The following GNG2 variants were observed in gnomAD, a reference collection of about 807,000 sequenced individuals.
GNG2 encodes the protein guanine nucleotide-binding protein G(I)/G(S)/G(O) subunit gamma-2.
Under a neutral mutation model 5.5 loss-of-function variants are expected in GNG2, and 5 were observed. The ratio of observed to expected loss-of-function variants is 0.91; its 90% confidence interval spans 0.48 to 1.92. The LOEUF is 1.92. Among genes scored for constraint, GNG2 ranks in the 30% most tolerant of loss-of-function variants. The pLI is 0.01. For synonymous variants in GNG2, 28 were observed against 32.0 expected, an observed-to-expected ratio of 0.88 and a Z score of 0.42; for missense variants, 55 against 88.4, an observed-to-expected ratio of 0.62 and a Z score of 1.52.
chr14:51,861,144 T>C (rs1296007441), intron 1 of GNG2, among the ~76,000 whole-genome samples: 1 of 151,772 alleles, frequency 6.6e-6, no homozygotes, highest in African/African-American at 2.4e-5. Flanking sequence ...TTTAGGGGAG[T>C]GAGTGGTGTA....
chr14:51,836,583 C>G (rs200129759), intron 2 of GNG2, among the ~76,000 whole-genome samples: 2 of 152,038 alleles, frequency 1.3e-5, no homozygotes, highest in East Asian at 3.9e-4. Context: ...TCTCCCCTCA[C>G]CACAACTCCA....
chr14:51,917,484 A>T (rs1399664224), intron 2 of GNG2: 3 of 445,900 alleles, frequency 6.7e-6, no homozygotes, highest in Admixed American at 2.5e-5. Context: ...AGCCTAGTGC[A>T]GAGTTTATTA....
chr14:51,921,358 A>G (rs1887004942), intron 2 of GNG2, among the ~76,000 whole-genome samples: 1 of 152,202 alleles, frequency 6.6e-6, no homozygotes, highest in Non-Finnish European at 1.5e-5. Flanking sequence ...TATTCCCTGA[A>G]AGAAGGTCAC....
At chr14:51,891,894 G>T (rs1475721861) in intron 2 of GNG2, among the ~76,000 whole-genome samples, 1 of 152,144 alleles carries the variant, frequency 6.6e-6, no homozygotes, top group Admixed American at 6.6e-5. Flanking sequence ...TGTGCATTCT[G>T]TTCATGTCTC....
chr14:51,892,732 A>G lies in GNG2; in HGVS notation c.-30+15075A>G, dbSNP rs1884941747. Among the ~76,000 whole-genome samples the G allele has an allele frequency of 5.3e-5, 8 of 152,252 alleles. 1 individual carries two copies. The South Asian group carries it at 1.7e-3, about 32-fold the overall frequency. On this transcript the variant is annotated intron_variant, in intron 2 of 3. Transcript: ENST00000556766. ...GCCTCCCTCCTCCCCCATGTAACCA[A>G]TGTTAATGCTTTGGGGTGTATTATT... is the stretch of plus-strand genomic sequence containing the variant.
At chr14:51,833,008 C>T (rs1282590243) in intron 2 of GNG2, among the ~76,000 whole-genome samples, 1 of 152,128 alleles carries the variant, frequency 6.6e-6, no homozygotes, top group Non-Finnish European at 1.5e-5. Flanking sequence ...ATCTATTTTG[C>T]CTTTCAGAGA....
At chr14:51,892,309 A>T (rs938014290) in intron 2 of GNG2, among the ~76,000 whole-genome samples, 1 of 150,898 alleles carries the variant, frequency 6.6e-6, no homozygotes, top group African/African-American at 2.4e-5. Context: ...TCTTTTATTT[A>T]TTTTATTTTA....
chr14:51,963,287 A>G (rs1889717365), intron 3 of GNG2, among the ~76,000 whole-genome samples: 1 of 152,200 alleles, frequency 6.6e-6, no homozygotes, highest in African/African-American at 2.4e-5. Flanking sequence ...AAATTTTCCT[A>G]GTATAGTACT....
chr14:51,829,297 C>G (rs961368564), intron 2 of GNG2, among the ~76,000 whole-genome samples: 8 of 152,156 alleles, frequency 5.3e-5, no homozygotes, highest in African/African-American at 1.9e-4. Flanking sequence ...ATCTCCCCAA[C>G]TCCCAAAAGT....
intron 2 of GNG2, chr14:51,914,172 G>C: frequency 1.4e-6 from 1 of 701,370 alleles, no homozygotes. Context: ...ATTGGCTCTT[G>C]AGTATGTCTG....
intron 2 of GNG2, among the ~76,000 whole-genome samples, chr14:51,882,366 T>C (rs1237657324): frequency 1.3e-5 from 2 of 152,204 alleles, no homozygotes; most frequent in Non-Finnish European, 2.9e-5. Flanking sequence ...CTGGAAAAAG[T>C]GTGAATCCGT....
chr14:51,922,544 A>G (rs959260461), intron 2 of GNG2, among the ~76,000 whole-genome samples: 2 of 152,132 alleles, frequency 1.3e-5, no homozygotes, highest in African/African-American at 4.8e-5. Context: ...ACCAGAGGCT[A>G]TCCAACACTG....
At chr14:51,912,015 C>T (rs1159142759) in intron 2 of GNG2, among the ~76,000 whole-genome samples, 1 of 148,230 alleles carries the variant, frequency 6.7e-6, no homozygotes, top group African/African-American at 2.5e-5. Flanking sequence ...TTACTCTTCA[C>T]AAGCTCCCAG....
intron 1 of GNG2, among the ~76,000 whole-genome samples, chr14:51,864,399 T>A (rs1882730674): frequency 6.6e-6 from 1 of 152,216 alleles, no homozygotes; most frequent in African/African-American, 2.4e-5. Flanking sequence ...TTAATCAAAT[T>A]TTTGAAGAGA....
chr14:51,941,437 A>G (rs193150183), intron 2 of GNG2, among the ~76,000 whole-genome samples: 3 of 152,352 alleles, frequency 2.0e-5, no homozygotes, highest in Admixed American at 2.0e-4. Context: ...TGCCAATGTA[A>G]TCCTAACTTG....
intron 2 of GNG2, among the ~76,000 whole-genome samples, chr14:51,893,727 A>G (rs1007709691): frequency 6.6e-6 from 1 of 152,100 alleles, no homozygotes; most frequent in African/African-American, 2.4e-5. Flanking sequence ...TTTAAAAAAC[A>G]TTTCTCCATG....
intron 3 of GNG2, among the ~76,000 whole-genome samples, chr14:51,954,211 G>C (rs1013116155): frequency 6.6e-6 from 1 of 152,108 alleles, no homozygotes; most frequent in African/African-American, 2.4e-5. Context: ...CCAATTATCT[G>C]TTCATAAGCC....
At chr14:51,965,464 T>G (rs1281410034) in intron 3 of GNG2, among the ~76,000 whole-genome samples, 1 of 152,182 alleles carries the variant, frequency 6.6e-6, no homozygotes, top group Non-Finnish European at 1.5e-5. Flanking sequence ...CACGCTCTAA[T>G]GTAGTAAAAA....
Position 51,847,881 on chromosome 14 carries a change from C to CT in GNG2, c.64+20101dup, listed in dbSNP as rs540204195. ...TACTCTATGAATACAGGTCCTTTTT[C>CT]TTTTTTTTTTTTTTTTTTTTTTTTT... On this transcript the variant is annotated intron_variant, in intron 2 of 3. Transcript: ENST00000553432. Among the ~76,000 whole-genome samples the CT allele has an allele frequency of 3.0e-3, 145 of 48,192 alleles. 2 individuals are homozygous for CT. The highest frequency in any genetic ancestry group is 7.2e-3 in the African/African-American group (133 of 18,472). 31.6% of individuals were successfully genotyped at this position (48,192 alleles called of 152,430 possible).
Sources: allele counts gnomAD v4.1 joint callset (sites outside exome capture counted in the v4.1 genomes callset), GRCh38; gene constraint gnomAD v4.1.1; transcripts MANE v1.5; gene names NCBI Gene and HGNC (gene_info 2026-07-23, HGNC 2026-07-21).